The following SIRT5 variants were observed in gnomAD, a reference collection of about 807,000 sequenced individuals.
SIRT5 encodes sirtuin 5.
In SIRT5, 26 loss-of-function variants were observed where a neutral mutation model predicts 40.0. The observed-to-expected ratio is 0.65, with a 90% CI of 0.48 to 0.90. The LOEUF is 0.90. Ranked by LOEUF, SIRT5 falls within the 40% of genes least tolerant of loss-of-function variation. The pLI, the probability that SIRT5 is intolerant of heterozygous loss-of-function variation, is 0.00. For missense variants in SIRT5, 401 were observed against 402.4 expected, an observed-to-expected ratio of 1.00 and a Z score of 0.03; for synonymous variants, 146 against 149.1, an observed-to-expected ratio of 0.98 and a Z score of 0.15.
chr6:13,606,436 T>C (rs1033054430), intron 9 of SIRT5, among the ~76,000 whole-genome samples: 5 of 152,100 alleles, frequency 3.3e-5, no homozygotes, highest in East Asian at 1.9e-4. Context: ...GTTACCTATC[T>C]AGGGTGTGAA....
At chr6:13,586,751 C>G (rs550050750) in intron 3 of SIRT5, among the ~76,000 whole-genome samples, 151 of 152,278 alleles carry the variant, frequency 9.9e-4, no homozygotes, top group African/African-American at 3.5e-3. Context: ...TTGACAGTCT[C>G]TATCCTAGGC....
intron 6 of SIRT5, among the ~76,000 whole-genome samples, 170 bp from the exon 7 acceptor site, chr6:13,596,793 G>A (rs1409429882): frequency 1.3e-5 from 2 of 152,184 alleles, no homozygotes; most frequent in African/African-American, 4.8e-5. Flanking sequence ...AGCACCACTG[G>A]TAATTAATGG....
chr6:13,589,431 CTGTT>C (rs972767989), intron 4 of SIRT5: 14 of 152,264 alleles, frequency 9.2e-5, no homozygotes, highest in African/African-American at 1.4e-4. Context: ...CGCCCGGCCT[CTGTT>C]TGTTTTATTC....
At chr6:13,581,800 G>C (rs1759375128) in intron 2 of SIRT5, among the ~76,000 whole-genome samples, 2 of 152,146 alleles carry the variant, frequency 1.3e-5, no homozygotes, top group Admixed American at 1.3e-4. Context: ...AATGGGTCAG[G>C]ACAAGAACAA....
chr6:13,605,808 C>G, intron 9 of SIRT5: 2 of 985,446 alleles, frequency 2.0e-6, no homozygotes, highest in Non-Finnish European at 2.4e-6. Context: ...TTCGCTGAGG[C>G]AAAAATGGGA....
rs769831026 is a variant in SIRT5, at chr6:13,591,681, C to A, written c.262C>A (p.Pro88Thr). ...RKWQAQDLAT[P>T]LAFAHNPSRV... ...CTCCCACTCCCAGGACCTGGCGACT[C>A]CCCTGGCCTTTGCCCACAACCCGTC... Residue 88 changes from proline (P) to threonine (T), a missense_variant, in exon 5 of 10, where the codon CCC becomes ACC. Physicochemically the swap from Pro to Thr is conservative, Grantham distance 38. Transcript: ENST00000606117. 1.9e-6 allele frequency: 3 copies of A among 1,583,682 alleles called. No individual in the cohort carries two copies. The highest frequency in any genetic ancestry group is 2.6e-6 in the Non-Finnish European group (3 of 1,160,870).
intron 2 of SIRT5, among the ~76,000 whole-genome samples, 192 bp from the exon 3 acceptor site, chr6:13,583,884 C>T (rs537093573): frequency 2.6e-5 from 4 of 152,170 alleles, no homozygotes; most frequent in Non-Finnish European, 4.4e-5. Context: ...AAACGGAAAA[C>T]AGCCAGTTCA....
chr6:13,602,487 T>TA (rs1477695886), intron 9 of SIRT5, among the ~76,000 whole-genome samples: 1 of 136,912 alleles, frequency 7.3e-6, no homozygotes, highest in African/African-American at 2.7e-5. Context: ...GCAACAAGAG[T>TA]AAAACTCCGT....
intron 6 of SIRT5, among the ~76,000 whole-genome samples, chr6:13,595,810 A>G (rs1349422057): frequency 6.6e-6 from 1 of 152,044 alleles, no homozygotes; most frequent in African/African-American, 2.4e-5. Flanking sequence ...CCTGTCCTAC[A>G]AAAAAACAAA....
chr6:13,583,684 T>G (rs1185773619), intron 2 of SIRT5, among the ~76,000 whole-genome samples: 1 of 152,236 alleles, frequency 6.6e-6, no homozygotes, highest in Non-Finnish European at 1.5e-5. Flanking sequence ...CTTGAGTAGT[T>G]ACTAGAATCA....
intron 7 of SIRT5, among the ~76,000 whole-genome samples, chr6:13,598,598 GGAGGGCAGATCACCT>G (rs1761928351): frequency 6.6e-6 from 1 of 152,172 alleles, no homozygotes; most frequent in African/African-American, 2.4e-5. Context: ...GGGAGGCCGA[GGAGGGCAGATCACCT>G]GAGGTCAGCA....
intron 7 of SIRT5, 59 bp from the exon 8 acceptor site, chr6:13,598,973 C>T: frequency 1.3e-6 from 2 of 1,592,524 alleles, no homozygotes; most frequent in Non-Finnish European, 1.7e-6. Flanking sequence ...CCCTGGCCTC[C>T]CTCCGATCCA....
In SIRT5 at chr6:13,588,414, G is replaced by C. The variant is rs142986214; in HGVS notation, c.199G>C (p.Val67Leu). The change falls in exon 4 of 10, where the codon GTT becomes CTT. Residue 67 changes from valine (V) to leucine (L), a missense_variant. Coordinates refer to ENST00000606117, the MANE Select transcript of SIRT5 (RefSeq NM_012241.5). ...SGAGVSAESG[V>L]PTFRGAGGYW... is the part of the protein sequence containing the mutation. ...AGCTGGTGTTAGTGCAGAAAGTGGT[G>C]TTCCGACCTTCAGAGGAGCTGGAGG... The C allele has an allele frequency of 1.6e-5, 26 of 1,614,222 alleles. No individual in the cohort carries two copies. The highest frequency in any genetic ancestry group is 1.9e-5 in the Non-Finnish European group (23 of 1,180,040).
chr6:13,600,168 G>A (rs1302374306), intron 8 of SIRT5, among the ~76,000 whole-genome samples: 1 of 152,200 alleles, frequency 6.6e-6, no homozygotes, highest in East Asian at 1.9e-4. Flanking sequence ...TGGACAGATT[G>A]TATGCGTATT....
At chr6:13,592,965 G>T (rs1027690880) in intron 5 of SIRT5, among the ~76,000 whole-genome samples, 1 of 149,796 alleles carries the variant, frequency 6.7e-6, no homozygotes, top group Non-Finnish European at 1.5e-5. Context: ...CCAGGCTGGG[G>T]TGCAGTAGCC....
intron 9 of SIRT5, among the ~76,000 whole-genome samples, chr6:13,610,516 C>T (rs983575841): frequency 1.3e-5 from 2 of 152,206 alleles, no homozygotes; most frequent in Non-Finnish European, 2.9e-5. Context: ...CACACTCCCT[C>T]TATTTCACAC....
chr6:13,600,430 G>A (rs1762221131), intron 8 of SIRT5, among the ~76,000 whole-genome samples: 1 of 152,136 alleles, frequency 6.6e-6, no homozygotes, highest in African/African-American at 2.4e-5. Context: ...TGGTTATCTT[G>A]CGGTAAGATT....
intron 5 of SIRT5, among the ~76,000 whole-genome samples, chr6:13,594,148 G>A (rs1388004655): frequency 6.6e-6 from 1 of 152,158 alleles, no homozygotes; most frequent in East Asian, 1.9e-4. Flanking sequence ...GAAGGATCCA[G>A]GGGCTGAATC....
chr6:13,579,096 C>T lies in SIRT5; in HGVS notation c.-194-355C>T, dbSNP rs567697744. Among the ~76,000 whole-genome samples, 4 of 152,308 alleles carry T rather than the reference C, an allele frequency of 2.6e-5. No homozygotes were observed. In the East Asian group the frequency reaches 7.7e-4, roughly 29 times the overall value. On this transcript the variant is annotated intron_variant, in intron 1 of 9. Coordinates refer to ENST00000606117, the MANE Select transcript of SIRT5 (RefSeq NM_012241.5). Reference sequence around the variant, plus strand: ...TTCTGACATTGCTTCTAAATTTGAACAGGGTTGTAACCTTGTGGAAACTAG... The same window carrying T: ...TTCTGACATTGCTTCTAAATTTGAATAGGGTTGTAACCTTGTGGAAACTAG...
Sources: gnomAD v4.1 joint callset for allele counts (sites outside exome capture counted in the v4.1 genomes callset) on GRCh38, gnomAD v4.1.1 for gene constraint, MANE v1.5 for transcripts, NCBI Gene and HGNC (gene_info 2026-07-23, HGNC 2026-07-21) for gene names.